Variants in CYLD observed in about 807,000 individuals in gnomAD.
CYLD encodes ubiquitin carboxyl-terminal hydrolase CYLD.
In CYLD, 26 loss-of-function variants were observed where a neutral mutation model predicts 104.5. The ratio of observed to expected loss-of-function variants is 0.25; its 90% CI spans 0.18 to 0.35. The LOEUF (loss-of-function observed/expected upper bound fraction) is 0.35. Ranked by LOEUF, CYLD falls within the 10% of genes least tolerant of loss-of-function variation. The pLI is 1.00. For synonymous variants in CYLD, 385 were observed against 399.9 expected, an observed-to-expected ratio of 0.96 and a Z score of 0.45; for missense variants, 703 against 1,136.1, an observed-to-expected ratio of 0.62 and a Z score of 5.48.
At chr16:50,771,892 C>T (rs1969194746) in intron 5 of CYLD, among the ~76,000 whole-genome samples, 1 of 152,122 alleles carries the variant, frequency 6.6e-6, no homozygotes. Context: ...TTTCTTGGTT[C>T]TCCATTCTGT....
chr16:50,773,615 T>A (rs16948808), intron 5 of CYLD, among the ~76,000 whole-genome samples: 13,990 of 152,174 alleles, frequency 0.092, 2,057 homozygotes, highest in African/African-American at 0.31. Context: ...TTTAATCAGG[T>A]TTGTTTTAAT....
At chr16:50,755,151 G>GTA (rs1162622076) in intron 5 of CYLD, among the ~76,000 whole-genome samples, 1 of 36,680 alleles carries the variant, frequency 2.7e-5, no homozygotes, top group South Asian at 6.6e-4. Flanking sequence ...ACATATGTGT[G>GTA]TATATACACA....
intron 1 of CYLD, chr16:50,742,498 G>GGA (rs897001970): frequency 3.2e-6 from 1 of 316,560 alleles, no homozygotes; most frequent in African/African-American, 2.1e-5. Flanking sequence ...GACCCCCAGA[G>GGA]GAGAGAGGAC....
Position 50,784,380 on chromosome 16 carries a change from A to G in CYLD, c.1878A>G (p.Glu626=). Residue 626 remains glutamate (E), a synonymous_variant, in exon 12 of 19, where the codon GAA becomes GAG. Coordinates refer to ENST00000427738, the MANE Select transcript of CYLD (RefSeq NM_001378743.1). ...ACACTGTGTTACTTAGACCCAAAGA[A>G]AAGAACGATGTAGAATATTATAGTG... is the stretch of plus-strand genomic sequence containing the variant. ...VLDTVLLRPK[E]KNDVEYYSET... 1 of 1,613,590 alleles carries G rather than the reference A, an allele frequency of 6.2e-7. No homozygotes were observed. Among genetic ancestry groups the G allele is most frequent in the Non-Finnish European group, 8.5e-7 (1 of 1,179,720 alleles).
intron 5 of CYLD, among the ~76,000 whole-genome samples, chr16:50,774,683 A>G (rs1427361790): frequency 1.3e-5 from 2 of 152,208 alleles, no homozygotes; most frequent in Admixed American, 1.3e-4. Flanking sequence ...GTCAGGGGTT[A>G]TGGATTAGGA....
At chr16:50,778,961 A>G (rs965324910) in intron 8 of CYLD, among the ~76,000 whole-genome samples, 1 of 152,182 alleles carries the variant, frequency 6.6e-6, no homozygotes, top group Non-Finnish European at 1.5e-5. Flanking sequence ...CATTTTAAGA[A>G]AATAGCTTTT....
chr16:50,751,564 T>C (rs1966621613), intron 3 of CYLD, 40 bp from the exon 4 acceptor site: 2 of 1,597,806 alleles, frequency 1.3e-6, no homozygotes, highest in South Asian at 2.2e-5. Flanking sequence ...ATGGATCGTC[T>C]TTCTATATCT....
At chr16:50,788,868 G>T (rs1289207090) in intron 14 of CYLD, among the ~76,000 whole-genome samples, 1 of 152,112 alleles carries the variant, frequency 6.6e-6, no homozygotes, top group Non-Finnish European at 1.5e-5. Context: ...CAATTTTATT[G>T]AGATAGATTT....
At chr16:50,756,667 G>A (rs1253469975) in intron 5 of CYLD, among the ~76,000 whole-genome samples, 1 of 152,188 alleles carries the variant, frequency 6.6e-6, no homozygotes. Flanking sequence ...TTCTCATTGA[G>A]CATTATGCAA....
intron 7 of CYLD, among the ~76,000 whole-genome samples, chr16:50,777,430 C>T (rs968833274): frequency 6.6e-6 from 1 of 152,058 alleles, no homozygotes; most frequent in Non-Finnish European, 1.5e-5. Context: ...TTGAGGATTA[C>T]CTTCTTTTAA....
intron 5 of CYLD, among the ~76,000 whole-genome samples, chr16:50,755,119 A>G (rs138698909): frequency 3.8e-4 from 14 of 36,518 alleles, no homozygotes; most frequent in Admixed American, 9.1e-4. Context: ...ACATATACAC[A>G]TGTGTATATA....
intron 18 of CYLD, chr16:50,795,465 T>G: frequency 2.9e-6 from 2 of 693,770 alleles, no homozygotes; most frequent in Admixed American, 4.1e-5. Flanking sequence ...TATAAGGAGT[T>G]TGCAGGTTAA....
At chr16:50,749,491 G>A in intron 2 of CYLD, 85 bp from the exon 3 acceptor site, 1 of 595,508 alleles carries the variant, frequency 1.7e-6, no homozygotes, top group Admixed American at 3.1e-5. Context: ...AAAGTCTTCA[G>A]TCTTAATTTT....
In CYLD at chr16:50,801,127, G is replaced by A. The variant is rs896798094; in HGVS notation, c.*4619G>A. Reference sequence around the variant, plus strand: ...CTGGGGAGAAGAGGTGGGAGGAGGGGAGAAAGACTGTTCATCTTATTCTGA... The same window carrying A: ...CTGGGGAGAAGAGGTGGGAGGAGGGAAGAAAGACTGTTCATCTTATTCTGA... On this transcript the variant is annotated 3_prime_UTR_variant, in exon 19 of 19. Coordinates refer to ENST00000427738, the MANE Select transcript of CYLD (RefSeq NM_001378743.1). 1.2e-4 allele frequency: 29 copies of A among 233,358 alleles called. No individual in the cohort carries two copies. The highest frequency in any genetic ancestry group is 2.5e-4 in the Non-Finnish European group (29 of 118,106). 14.5% of individuals were successfully genotyped at this position (233,358 alleles called of 1,614,324 possible). A position where few individuals can be genotyped will look rare whatever the true frequency, so the allele number is the denominator to read the frequency against.
At chr16:50,752,009 C>CT in intron 4 of CYLD, 103 bp downstream of exon 4, 2 of 193,730 alleles carry the variant, frequency 1.0e-5, no homozygotes, top group Non-Finnish European at 1.7e-5. Context: ...TATATACACA[C>CT]ATATATATGT....
Position 50,786,915 on chromosome 16 carries a change from G to A in CYLD, c.2010G>A (p.Glu670=), listed in dbSNP as rs1970894279. ...MKLRKILEKV[E]AASGFTSEEK... ...TGAGGAAAATACTTGAAAAGGTGGA[G>A]GCTGCATCAGGATTTACCTCTGAAG... Residue 670 remains glutamate, a synonymous_variant, in exon 13 of 19, where the codon GAG becomes GAA. Coordinates refer to ENST00000427738, the MANE Select transcript of CYLD (RefSeq NM_001378743.1). 1.2e-6 allele frequency: 2 copies of A among 1,613,882 alleles called. No individual in the cohort carries two copies. Among genetic ancestry groups the A allele is most frequent in the African/African-American group, 2.7e-5 (2 of 74,912 alleles).
At chr16:50,790,430 GTT>G (rs1240018666) in intron 14 of CYLD, among the ~76,000 whole-genome samples, 4 of 151,726 alleles carry the variant, frequency 2.6e-5, no homozygotes, top group Non-Finnish European at 5.9e-5. Flanking sequence ...CTACTTCCTG[GTT>G]TCTTATTTTC....
chr16:50,789,262 A>G (rs748432608), intron 14 of CYLD, among the ~76,000 whole-genome samples: 7 of 152,214 alleles, frequency 4.6e-5, no homozygotes, highest in Admixed American at 2.0e-4. Context: ...AAGGAAAGAT[A>G]TGTTTAATAC....
At chr16:50,792,396 C>A (rs1406805739) in intron 15 of CYLD, among the ~76,000 whole-genome samples, 1 of 152,098 alleles carries the variant, frequency 6.6e-6, no homozygotes, top group Non-Finnish European at 1.5e-5. Context: ...CTGGTGTGCC[C>A]CTGCGATCAT....
Sources: gnomAD v4.1 joint callset for allele counts (sites outside exome capture counted in the v4.1 genomes callset) on GRCh38, gnomAD v4.1.1 for gene constraint, MANE v1.5 for transcripts, NCBI Gene and HGNC (gene_info 2026-07-23, HGNC 2026-07-21) for gene names.